Variants in ATXN7L1 observed in about 807,000 individuals in gnomAD.
ATXN7L1 encodes the protein ataxin-7-like protein 1.
ATXN7L1 carries 15 observed loss-of-function variants against 70.8 expected under a neutral mutation model. The observed-to-expected ratio is 0.21, with a 90% CI of 0.14 to 0.33. The LOEUF is 0.33. ATXN7L1 is among the 10% of genes least tolerant of loss of function. The pLI, the probability that ATXN7L1 is intolerant of heterozygous loss-of-function variation, is 1.00. For missense variants in ATXN7L1, 975 were observed against 1,097.1 expected (o/e 0.89, Z 1.57); for synonymous variants, 440 against 445.1 (o/e 0.99, Z 0.14).
rs1179617628 is a variant in ATXN7L1, at chr7:105,614,763, G to A, written c.1571C>T (p.Thr524Ile). ...CAAAACGGATGCTGGAACGGGGGTG[G>A]TGATGTGGGCTGCTGGCGAGGGCAG... ...SPLPSPAAHI[T>I]TPVPASVLQP... The change falls in exon 10 of 12, where the codon ACC (threonine) becomes ATC (isoleucine). Residue 524 changes from threonine (T) to isoleucine (I), a missense_variant. Around this residue, in one of 5 missense-constraint regions of ATXN7L1, gnomAD observed 635 missense variants for 699.4 expected, o/e 0.91. Transcript: ENST00000419735. This position sits in a 1 kb window ranked among gnomAD's most constrained non-coding sequence, Gnocchi z 4.3. The A allele has an allele frequency of 1.3e-6, 2 of 1,551,738 alleles. No individual in the cohort carries two copies. Among genetic ancestry groups the A allele is most frequent in the Non-Finnish European group, 1.7e-6 (2 of 1,146,984 alleles).
intron 4 of ATXN7L1, among the ~76,000 whole-genome samples, chr7:105,655,559 C>G (rs1009127373): frequency 1.3e-5 from 2 of 152,040 alleles, no homozygotes; most frequent in Non-Finnish European, 2.9e-5. Context: ...CTTGCAGTGT[C>G]TGCGGCTCCT....
chr7:105,648,599 A>AC (rs1021114441), intron 4 of ATXN7L1, among the ~76,000 whole-genome samples: 2 of 151,550 alleles, frequency 1.3e-5, no homozygotes, highest in African/African-American at 4.9e-5. Context: ...TAAGAGCCCC[A>AC]CCCCCCACCT....
At chr7:105,838,503 G>T (rs1024148064) in intron 2 of ATXN7L1, among the ~76,000 whole-genome samples, 1 of 152,136 alleles carries the variant, frequency 6.6e-6, no homozygotes, top group African/African-American at 2.4e-5. Flanking sequence ...ACACCCCTAG[G>T]GATTTCAGCC....
chr7:105,782,508 G>A (rs1267704753), intron 3 of ATXN7L1, among the ~76,000 whole-genome samples: 1 of 152,198 alleles, frequency 6.6e-6, no homozygotes, highest in Non-Finnish European at 1.5e-5. Context: ...CCACTTCCAT[G>A]CCAGGCAAAG....
At chr7:105,627,947 C>T (rs1467868757) in intron 7 of ATXN7L1, among the ~76,000 whole-genome samples, 3 of 144,686 alleles carry the variant, frequency 2.1e-5, no homozygotes, top group African/African-American at 7.8e-5. Flanking sequence ...CGGGTTCAAG[C>T]GATTCTCCTG....
At position 105,614,536 on chromosome 7, in the gene ATXN7L1, C is replaced by T; in HGVS notation, c.1798G>A (p.Ala600Thr). The change falls in exon 10 of 12, where the codon GCC becomes ACC. Residue 600 changes from alanine to threonine, a missense_variant. Coordinates refer to ENST00000419735, the MANE Select transcript of ATXN7L1 (RefSeq NM_020725.2). The surrounding 1 kb of genome is among the most constrained non-coding windows in gnomAD (Gnocchi z 4.3). ...GGTATCGGGGACACGGCGGATGGGG[C>T]CTTGAAGGTTGAGTCCATGATGCTG... Reference protein sequence around the residue: ...TLSIMDSTFKAPSAVSPIPAV... With the variant: ...TLSIMDSTFKTPSAVSPIPAV... 2.6e-6 allele frequency: 4 copies of T among 1,539,136 alleles called. No individual in the cohort carries two copies. The highest frequency in any genetic ancestry group is 3.5e-6 in the Non-Finnish European group (4 of 1,139,338).
intron 2 of ATXN7L1, among the ~76,000 whole-genome samples, chr7:105,838,110 T>C (rs947072653): frequency 2.6e-5 from 4 of 152,190 alleles, no homozygotes; most frequent in African/African-American, 4.8e-5. Context: ...TATGTGATCC[T>C]AGAGACCCAT....
At chr7:105,664,575 G>GTGTGTGTGTGTATA in intron 4 of ATXN7L1, among the ~76,000 whole-genome samples, 1 of 131,990 alleles carries the variant, frequency 7.6e-6, no homozygotes, top group African/African-American at 2.8e-5. Flanking sequence ...GTATGTGTGT[G>GTGTGTGTGTGTATA]TATATATATA....
At chr7:105,781,307 C>A (rs925599393) in intron 3 of ATXN7L1, among the ~76,000 whole-genome samples, 5 of 152,154 alleles carry the variant, frequency 3.3e-5, no homozygotes, top group African/African-American at 1.2e-4. Flanking sequence ...TAAACGTTCA[C>A]CCCAATTACA....
At chr7:105,862,722 C>G (rs1017113413) in intron 2 of ATXN7L1, among the ~76,000 whole-genome samples, 1 of 152,106 alleles carries the variant, frequency 6.6e-6, no homozygotes, top group Non-Finnish European at 1.5e-5. Context: ...GAGAGAGAGA[C>G]AGGGGGGTGA....
At chr7:105,697,692 TAA>T (rs749841316) in intron 3 of ATXN7L1, among the ~76,000 whole-genome samples, 7 of 152,212 alleles carry the variant, frequency 4.6e-5, no homozygotes, top group Non-Finnish European at 7.3e-5. Context: ...GGGGAAGTGA[TAA>T]GTGTCCATGA....
At chr7:105,727,439 C>T (rs1366194244) in intron 3 of ATXN7L1, among the ~76,000 whole-genome samples, 3 of 151,820 alleles carry the variant, frequency 2.0e-5, no homozygotes, top group Admixed American at 6.6e-5. Flanking sequence ...GAGGCCGAGG[C>T]GCGTGGATCA....
chr7:105,833,556 G>T (rs1204997333), intron 2 of ATXN7L1, among the ~76,000 whole-genome samples: 1 of 152,222 alleles, frequency 6.6e-6, no homozygotes, highest in Non-Finnish European at 1.5e-5. Flanking sequence ...TGTGTGCTTA[G>T]TAGTAAAAAT....
rs141423795 is a variant in ATXN7L1, at chr7:105,826,783, C to A, written c.251-38075G>T. Among the ~76,000 whole-genome samples, 255 of 152,170 alleles carry A rather than the reference C, an allele frequency of 1.7e-3. 1 individual carries two copies. Among genetic ancestry groups the A allele is most frequent in the East Asian group, 6.2e-3 (32 of 5,186 alleles). ...GGACAGTGGAGAAATAGGACCTTCCCATGGTTTTTATACAGGTGAACAGAG... is the reference window on the plus strand; with the variant it reads ...GGACAGTGGAGAAATAGGACCTTCCAATGGTTTTTATACAGGTGAACAGAG... On this transcript the variant is annotated intron_variant, in intron 2 of 11. Transcript: ENST00000419735.
chr7:105,628,750 G>A (rs749086617), intron 7 of ATXN7L1, among the ~76,000 whole-genome samples: 10 of 151,662 alleles, frequency 6.6e-5, no homozygotes, highest in Non-Finnish European at 1.0e-4. Context: ...CCGAGATCGC[G>A]CCACTGTACT....
chr7:105,767,573 G>C (rs1801446485), intron 3 of ATXN7L1, among the ~76,000 whole-genome samples: 2 of 152,170 alleles, frequency 1.3e-5, no homozygotes, highest in African/African-American at 4.8e-5. Flanking sequence ...TAGATGTCTG[G>C]TGTTCTCCTA....
At chr7:105,825,198 C>A (rs143657127) in intron 2 of ATXN7L1, among the ~76,000 whole-genome samples, 1 of 152,300 alleles carries the variant, frequency 6.6e-6, no homozygotes, top group Non-Finnish European at 1.5e-5. Context: ...CAAGACATTT[C>A]CATATTTTGA....
chr7:105,642,790 C>T (rs1798462702), intron 5 of ATXN7L1, 48 bp downstream of exon 5: 1 of 1,506,624 alleles, frequency 6.6e-7, no homozygotes, highest in African/African-American at 1.4e-5. Context: ...GGCTGCGACT[C>T]CCTTTCAGTC....
chr7:105,787,703 A>G (rs913990503), intron 3 of ATXN7L1, among the ~76,000 whole-genome samples: 8 of 152,352 alleles, frequency 5.3e-5, no homozygotes, highest in African/African-American at 1.4e-4. Context: ...GCAAAAGCAT[A>G]TTCAATATTA....
Sources: gnomAD v4.1 joint callset for allele counts (sites outside exome capture counted in the v4.1 genomes callset) on GRCh38, gnomAD v4.1.1 for gene constraint, gnomAD v4.1.1 regional missense constraint, Gnocchi (gnomAD v3.1) non-coding constraint, MANE v1.5 for transcripts, NCBI Gene and HGNC (gene_info 2026-07-23, HGNC 2026-07-21) for gene names.